The following ZNF585B variants were observed in gnomAD, a reference collection of about 807,000 sequenced individuals.
The protein encoded by ZNF585B is zinc finger protein 41-like protein.
A neutral mutation model predicts 14.0 loss-of-function variants in ZNF585B; 7 were observed. The ratio of observed to expected loss-of-function variants is 0.50; its 90% CI spans 0.28 to 0.94. The LOEUF is 0.94. Among genes scored for constraint, ZNF585B ranks in the 40% least tolerant of loss-of-function variants. The probability of loss-of-function intolerance (pLI) is 0.09; values close to 1 mark genes in which losing one functional copy is unlikely to be tolerated. For missense variants in ZNF585B, 750 were observed against 924.4 expected (o/e 0.81, Z 2.45); for synonymous variants, 290 against 317.3 (o/e 0.91, Z 0.91).
At position 37,190,130 on chromosome 19, in the gene ZNF585B, A is replaced by G; in HGVS notation, c.93T>C (p.Asp31=). Residue 31 remains aspartate (D), a synonymous_variant, in exon 3 of 5, where the codon GAT becomes GAC. Transcript: ENST00000532828. The part of the protein sequence containing the change: ...SSYEGSVSFR[D]VAIDFSREEW... ...CCTCTCTGCTGAAATCGATAGCCACATCCCTGAAGGACACTGATCCCTGTA... is the reference window on the plus strand; with the variant it reads ...CCTCTCTGCTGAAATCGATAGCCACGTCCCTGAAGGACACTGATCCCTGTA... The G allele has an allele frequency of 1.2e-6, 2 of 1,614,178 alleles. No individual in the cohort carries two copies. Among genetic ancestry groups the G allele is most frequent in the East Asian group, 2.2e-5 (1 of 44,874 alleles).
intron 1 of ZNF585B, among the ~76,000 whole-genome samples, 160 bp downstream of exon 1, chr19:37,210,281 T>TCATCCCAAAGAGCCCCATC (rs1972632705): frequency 6.7e-6 from 1 of 150,328 alleles, no homozygotes; most frequent in East Asian, 2.0e-4. Flanking sequence ...CCCCAATCAC[T>TCATCCCAAAGAGCCCCATC]CATCCCAAAG....
chr19:37,209,148 C>T (rs183468748), intron 1 of ZNF585B, among the ~76,000 whole-genome samples: 3 of 152,100 alleles, frequency 2.0e-5, no homozygotes, highest in Admixed American at 6.6e-5. Flanking sequence ...CTTGTCGCCC[C>T]GGCTGGAGTG....
At chr19:37,189,558 G>A (rs1454879215) in intron 4 of ZNF585B, 103 bp downstream of exon 4, 13 of 1,286,284 alleles carry the variant, frequency 1.0e-5, no homozygotes, top group Non-Finnish European at 1.4e-5. Context: ...TTACTGAAGA[G>A]TGGTCTTAAT....
chr19:37,205,770 G>C (rs1972578600), intron 2 of ZNF585B, among the ~76,000 whole-genome samples: 1 of 152,078 alleles, frequency 6.6e-6, no homozygotes, highest in Non-Finnish European at 1.5e-5. Flanking sequence ...AATATCTTCA[G>C]ATGGATAAGA....
In ZNF585B at chr19:37,187,180, T is replaced by G. The variant is rs781337236; in HGVS notation, c.357A>C (p.Gln119His). 10 of 1,613,450 alleles carry G rather than the reference T, an allele frequency of 6.2e-6. No individual in the cohort carries two copies. The South Asian group carries it at 6.6e-5, about 11-fold the overall frequency. ...KIIGYKPASS[Q>H]DQKIYSGEKS... The stretch of plus-strand genomic sequence containing the variant: ...TTTCCCCAGAATAAATTTTTTGATC[T>G]TGAGAGGAAGCTGGTTTATAACCGA... Residue 119 changes from glutamine to histidine, a missense_variant, in exon 5 of 5, where the codon CAA becomes CAC. This residue lies in a region of ZNF585B where 517 missense variants were observed against 570.3 expected (regional missense o/e 0.91). Transcript: ENST00000532828.
chr19:37,209,485 G>A (rs1177012813), intron 1 of ZNF585B, among the ~76,000 whole-genome samples: 2 of 152,038 alleles, frequency 1.3e-5, no homozygotes, highest in Non-Finnish European at 2.9e-5. Context: ...AGGACAGGTG[G>A]ACAAATAACT....
chr19:37,199,882 A>G (rs1344279553), intron 2 of ZNF585B, among the ~76,000 whole-genome samples: 1 of 151,516 alleles, frequency 6.6e-6, no homozygotes, highest in Admixed American at 6.6e-5. Context: ...CGTCTCTACT[A>G]AAAATACAAA....
chr19:37,188,935 C>T (rs1599763018), intron 4 of ZNF585B, among the ~76,000 whole-genome samples: 2 of 143,232 alleles, frequency 1.4e-5, no homozygotes, highest in Non-Finnish European at 3.1e-5. Flanking sequence ...AAATAAAGTT[C>T]TTTTTTTTTT....
intron 2 of ZNF585B, among the ~76,000 whole-genome samples, chr19:37,200,527 G>T (rs1972520017): frequency 7.0e-6 from 1 of 141,970 alleles, no homozygotes; most frequent in Admixed American, 7.2e-5. Flanking sequence ...TCCAGCCTGG[G>T]TGACAGAGCA....
At chr19:37,187,287 CAT>C (rs774268042) in intron 4 of ZNF585B, 43 bp from the exon 5 acceptor site, 1 of 1,381,212 alleles carries the variant, frequency 7.2e-7, no homozygotes, top group South Asian at 1.4e-5. Context: ...GACATTTTAC[CAT>C]AGTTAGTACT....
intron 2 of ZNF585B, among the ~76,000 whole-genome samples, chr19:37,205,874 G>A (rs1972579551): frequency 6.6e-6 from 1 of 151,742 alleles, no homozygotes; most frequent in Admixed American, 6.6e-5. Flanking sequence ...AGGGTCAGGA[G>A]TTCGAGACCA....
At position 37,183,565 on chromosome 19, in the gene ZNF585B, C is replaced by T. The variant is rs1972284402; in HGVS notation, c.*1662G>A. 7.1e-6 allele frequency: 1 copy of T among 140,520 alleles called. No homozygotes were observed. Among genetic ancestry groups the T allele is most frequent in the Non-Finnish European group, 1.6e-5 (1 of 60,682 alleles). The allele number at this position is 140,520 out of a possible 1,614,324, so 8.7% of individuals were successfully genotyped here. A position where few individuals can be genotyped will look rare whatever the true frequency, so the allele number is the denominator to read the frequency against. On this transcript the variant is annotated 3_prime_UTR_variant, in exon 5 of 5. Coordinates refer to ENST00000532828, the MANE Select transcript of ZNF585B (RefSeq NM_152279.4). ...AAGGGTAAGGGGCTGGAATTTTAAACCAGGCAGGCAGGGAAGGCCTGTGTG... is the reference window on the plus strand; with the variant it reads ...AAGGGTAAGGGGCTGGAATTTTAAATCAGGCAGGCAGGGAAGGCCTGTGTG...
intron 2 of ZNF585B, among the ~76,000 whole-genome samples, chr19:37,197,479 C>T (rs1185642325): frequency 6.6e-6 from 1 of 152,156 alleles, no homozygotes. Context: ...GATTTATAAT[C>T]TTTTGGGTAT....
chr19:37,209,613 T>C (rs1972624631), intron 1 of ZNF585B, among the ~76,000 whole-genome samples: 2 of 152,150 alleles, frequency 1.3e-5, no homozygotes, highest in African/African-American at 4.8e-5. Context: ...TTACACTCTT[T>C]TCATGTAATA....
chr19:37,206,469 T>A (rs894399008), intron 2 of ZNF585B, among the ~76,000 whole-genome samples: 6 of 149,504 alleles, frequency 4.0e-5, no homozygotes, highest in African/African-American at 9.8e-5. Flanking sequence ...AAAAAAAAAA[T>A]TTTAGGAAAC....
chr19:37,189,089 C>G (rs1568507384), intron 4 of ZNF585B, among the ~76,000 whole-genome samples: 2 of 151,940 alleles, frequency 1.3e-5, no homozygotes, highest in Non-Finnish European at 2.9e-5. Flanking sequence ...AGGCATGCAC[C>G]ACTACACCCA....
chr19:37,198,989 G>C (rs1313555332), intron 2 of ZNF585B: 2 of 1,530,168 alleles, frequency 1.3e-6, no homozygotes, highest in Non-Finnish European at 1.7e-6. Flanking sequence ...TTTGTCTCTT[G>C]TGATGCATAT....
chr19:37,208,700 G>T (rs1016869368), intron 1 of ZNF585B, among the ~76,000 whole-genome samples: 6 of 151,964 alleles, frequency 3.9e-5, no homozygotes, highest in African/African-American at 1.4e-4. Context: ...AAACGCGTCA[G>T]AACAATTAGA....
chr19:37,191,579 C>T (rs1293690099), intron 2 of ZNF585B, among the ~76,000 whole-genome samples: 4 of 150,212 alleles, frequency 2.7e-5, no homozygotes, highest in Non-Finnish European at 4.4e-5. Flanking sequence ...GATTATGCCA[C>T]GGCACTCCAG....
Sources: gnomAD v4.1 joint callset for allele counts (sites outside exome capture counted in the v4.1 genomes callset) on GRCh38, gnomAD v4.1.1 for gene constraint, gnomAD v4.1.1 regional missense constraint, MANE v1.5 for transcripts, NCBI Gene and HGNC (gene_info 2026-07-23, HGNC 2026-07-21) for gene names.